Variants in GALNT18 observed in about 807,000 individuals in gnomAD.
GALNT18 encodes the protein GalNAc-transferase 18.
GALNT18 carries 44 observed loss-of-function variants against 69.5 expected under a neutral mutation model. The observed-to-expected ratio is 0.63, with a 90% CI of 0.50 to 0.81. The LOEUF (loss-of-function observed/expected upper bound fraction) is 0.81, where lower values mean the gene tolerates loss of function less well. GALNT18 is among the 40% of genes least tolerant of loss of function. GALNT18 has a pLI of 0.00. For missense variants in GALNT18, 715 were observed against 810.0 expected, an observed-to-expected ratio of 0.88 and a Z score of 1.42; for synonymous variants, 364 against 318.2, an observed-to-expected ratio of 1.14 and a Z score of -1.53.
intron 9 of GALNT18, among the ~76,000 whole-genome samples, chr11:11,293,533 CTTTTTTTTTT>C (rs34166465): frequency 3.7e-5 from 3 of 80,194 alleles, no homozygotes; most frequent in Admixed American, 1.7e-4. Context: ...ACAAACCCCT[CTTTTTTTTTT>C]TTTTTTTTTT....
chr11:11,597,578 T>C (rs1859529867), intron 1 of GALNT18, among the ~76,000 whole-genome samples: 1 of 152,150 alleles, frequency 6.6e-6, no homozygotes, highest in Non-Finnish European at 1.5e-5. Flanking sequence ...TTTTTTGGTA[T>C]ATCATTTTAT....
chr11:11,596,110 A>G lies in GALNT18; in HGVS notation c.235+25249T>C, dbSNP rs1859495336. Among the ~76,000 whole-genome samples, 1 of 152,222 alleles carries G rather than the reference A, an allele frequency of 6.6e-6. No individual in the cohort carries two copies. The highest frequency in any genetic ancestry group is 2.4e-5 in the African/African-American group (1 of 41,462). ...CTTTATTCTTAACATGTAGATATCC[A>G]GTTGTTCCAGCACCATGTGTTAAAA... On this transcript the variant is annotated intron_variant, in intron 1 of 10. Transcript: ENST00000227756. This position sits in a 1 kb window ranked among gnomAD's most constrained non-coding sequence, Gnocchi z 4.2.
In GALNT18 at chr11:11,469,582, T is replaced by C. The variant is rs897347360; in HGVS notation, c.236-20646A>G. 7.2e-5 allele frequency among the ~76,000 whole-genome samples: 11 copies of C among 152,320 alleles called. No homozygotes were observed. The highest frequency in any genetic ancestry group is 2.6e-4 in the African/African-American group (11 of 41,558). Reference sequence around the variant, plus strand: ...TCTGACTTGTTTTCAGTTTGATCCATGAGGGCCATTTAGGGCTGCTCACAT... The same window carrying C: ...TCTGACTTGTTTTCAGTTTGATCCACGAGGGCCATTTAGGGCTGCTCACAT... On this transcript the variant is annotated intron_variant, in intron 1 of 10. Coordinates refer to ENST00000227756, the MANE Select transcript of GALNT18 (RefSeq NM_198516.3). This position sits in a 1 kb window ranked among gnomAD's most constrained non-coding sequence, Gnocchi z 4.2.
intron 1 of GALNT18, among the ~76,000 whole-genome samples, chr11:11,492,053 T>G (rs1856781750): frequency 6.6e-6 from 1 of 152,220 alleles, no homozygotes. Context: ...GCTGTTTTAT[T>G]GGCCCAATCA....
At chr11:11,531,934 G>A (rs1857659459) in intron 1 of GALNT18, among the ~76,000 whole-genome samples, 1 of 152,186 alleles carries the variant, frequency 6.6e-6, no homozygotes. Context: ...GTGTGTGTGA[G>A]TGCAGGTACT....
chr11:11,560,032 G>T (rs1338464151), intron 1 of GALNT18, among the ~76,000 whole-genome samples: 3 of 151,024 alleles, frequency 2.0e-5, no homozygotes, highest in Non-Finnish European at 4.4e-5. Flanking sequence ...GAATGGGATA[G>T]GATAGGATGG....
Position 11,347,877 on chromosome 11 carries a change from G to A in GALNT18, c.1093-6873C>T, listed in dbSNP as rs1216549780. 6.6e-6 allele frequency among the ~76,000 whole-genome samples: 1 copy of A among 152,230 alleles called. No individual in the cohort carries two copies. The highest frequency in any genetic ancestry group is 2.4e-5 in the African/African-American group (1 of 41,458). ...AAAGCCAAAACCAGCAGGCTATGGG[G>A]AGGAAGACGAGGTGGATGCAGGCTG... On this transcript the variant is annotated intron_variant, in intron 6 of 10. Coordinates refer to ENST00000227756, the MANE Select transcript of GALNT18 (RefSeq NM_198516.3). This position sits in a 1 kb window ranked among gnomAD's most constrained non-coding sequence, Gnocchi z 4.0.
chr11:11,313,102 G>A (rs1849695793), intron 9 of GALNT18, among the ~76,000 whole-genome samples: 1 of 152,208 alleles, frequency 6.6e-6, no homozygotes, highest in African/African-American at 2.4e-5. Context: ...GCTGAGGCTT[G>A]AGGGATAAGA....
rs1489607425 is a variant in GALNT18 at position 11,430,160 on chromosome 11, T to G, written c.595+2461A>C. The stretch of plus-strand genomic sequence containing the variant: ...AAAACCAAAATAAAAAAAAGAATGC[T>G]TTTTAAAACAGCGATGTCTAGAACC... On this transcript the variant is annotated intron_variant, in intron 3 of 10. Transcript: ENST00000227756. The surrounding 1 kb of genome is among the most constrained non-coding windows in gnomAD (Gnocchi z 4.9). 1.3e-5 allele frequency among the ~76,000 whole-genome samples: 2 copies of G among 152,170 alleles called. No homozygotes were observed.
At chr11:11,585,983 G>T (rs1361657071) in intron 1 of GALNT18, among the ~76,000 whole-genome samples, 1 of 151,996 alleles carries the variant, frequency 6.6e-6, no homozygotes, top group African/African-American at 2.4e-5. Context: ...GTATCCTTAC[G>T]AAAGAGAGCC....
intron 6 of GALNT18, among the ~76,000 whole-genome samples, chr11:11,357,657 T>C (rs990812211): frequency 5.9e-5 from 9 of 152,202 alleles, no homozygotes; most frequent in Non-Finnish European, 1.0e-4. Flanking sequence ...ACTTTTTCTC[T>C]TGGGACCAGG....
At position 11,497,653 on chromosome 11, in the gene GALNT18, T is replaced by G. The variant is rs1223487868; in HGVS notation, c.236-48717A>C. Among the ~76,000 whole-genome samples the G allele has an allele frequency of 2.6e-5, 4 of 152,026 alleles. No individual in the cohort carries two copies. Among genetic ancestry groups the G allele is most frequent in the African/African-American group, 9.7e-5 (4 of 41,382 alleles). ...TATTTCCAGTAACAACTCTCTTATC[T>G]AACATGGTCAGGAGCAGCTAATAGG... On this transcript the variant is annotated intron_variant, in intron 1 of 10. Coordinates refer to ENST00000227756, the MANE Select transcript of GALNT18 (RefSeq NM_198516.3). This position sits in a 1 kb window ranked among gnomAD's most constrained non-coding sequence, Gnocchi z 4.2.
chr11:11,348,467 C>G (rs950832444), intron 6 of GALNT18, among the ~76,000 whole-genome samples: 7 of 151,734 alleles, frequency 4.6e-5, no homozygotes, highest in African/African-American at 1.5e-4. Flanking sequence ...AAGTCAGGTT[C>G]AGGGCGTGCA....
At chr11:11,537,094 T>G (rs1477630095) in intron 1 of GALNT18, among the ~76,000 whole-genome samples, 2 of 152,148 alleles carry the variant, frequency 1.3e-5, no homozygotes, top group Non-Finnish European at 2.9e-5. Flanking sequence ...AAGTGCTTTA[T>G]CCAGATCAAC....
chr11:11,497,815 A>G lies in GALNT18; in HGVS notation c.236-48879T>C, dbSNP rs370570834. On this transcript the variant is annotated intron_variant, in intron 1 of 10. Transcript: ENST00000227756. This position sits in a 1 kb window ranked among gnomAD's most constrained non-coding sequence, Gnocchi z 4.2. ...AAACCATAAACACTATTTCAACTTA[A>G]AATATTTCATGCTAATATTTTGGTG... Among the ~76,000 whole-genome samples the G allele has an allele frequency of 1.3e-5, 2 of 151,810 alleles. No homozygotes were observed. The highest frequency in any genetic ancestry group is 1.3e-4 in the Admixed American group (2 of 15,232).
At chr11:11,558,118 C>T (rs1858376750) in intron 1 of GALNT18, among the ~76,000 whole-genome samples, 1 of 152,158 alleles carries the variant, frequency 6.6e-6, no homozygotes, top group Non-Finnish European at 1.5e-5. Context: ...CTCCTTCTGC[C>T]ACAAGATGTT....
At chr11:11,522,488 G>A (rs1403765394) in intron 1 of GALNT18, among the ~76,000 whole-genome samples, 1 of 152,118 alleles carries the variant, frequency 6.6e-6, no homozygotes, top group East Asian at 1.9e-4. Flanking sequence ...ACAGACAAGA[G>A]ATGAAGAATC....
In GALNT18 at chr11:11,480,878, G is replaced by C. The variant is rs1051674176; in HGVS notation, c.236-31942C>G. Among the ~76,000 whole-genome samples, 4 of 152,144 alleles carry C rather than the reference G, an allele frequency of 2.6e-5. 1 individual carries two copies. Among genetic ancestry groups the C allele is most frequent in the Non-Finnish European group, 4.4e-5 (3 of 68,030 alleles). ...TAGGGGAAAATGATTCCTGACTCAGGACTTCTCAGGCCTTTCTTGGGAACC... is the reference window on the plus strand; with the variant it reads ...TAGGGGAAAATGATTCCTGACTCAGCACTTCTCAGGCCTTTCTTGGGAACC... On this transcript the variant is annotated intron_variant, in intron 1 of 10. Transcript: ENST00000227756. This position sits in a 1 kb window ranked among gnomAD's most constrained non-coding sequence, Gnocchi z 4.6.
At chr11:11,403,090 G>T (rs940492981) in intron 3 of GALNT18, among the ~76,000 whole-genome samples, 8 of 152,180 alleles carry the variant, frequency 5.3e-5, no homozygotes, top group Non-Finnish European at 1.2e-4. Flanking sequence ...CAAATCAGGG[G>T]TCTGTACAGC....
Sources: allele counts gnomAD v4.1 joint callset (sites outside exome capture counted in the v4.1 genomes callset), GRCh38; gene constraint gnomAD v4.1.1; non-coding constraint Gnocchi (gnomAD v3.1); transcripts MANE v1.5; gene names NCBI Gene and HGNC (gene_info 2026-07-23, HGNC 2026-07-21).